Variants in RBFOX1 observed in about 807,000 individuals in gnomAD.
The protein encoded by RBFOX1 is RNA binding fox-1 homolog 1.
A neutral mutation model predicts 57.7 loss-of-function variants in RBFOX1; 8 were observed. The observed-to-expected ratio is 0.14, with a 90% CI of 0.08 to 0.25. The LOEUF (loss-of-function observed/expected upper bound fraction) is 0.25. RBFOX1 is among the 10% of genes least tolerant of loss of function. The pLI is 1.00. For missense variants in RBFOX1, 611 were observed against 548.5 expected, an observed-to-expected ratio of 1.11 and a Z score of -1.14; for synonymous variants, 326 against 222.4, an observed-to-expected ratio of 1.47 and a Z score of -4.15.
intron 4 of RBFOX1, among the ~76,000 whole-genome samples, chr16:5,941,446 C>G (rs577728646): frequency 1.3e-5 from 2 of 151,366 alleles, no homozygotes; most frequent in South Asian, 2.1e-4. Context: ...GCTATGATAG[C>G]TCTTCTGCGC....
chr16:6,625,953 T>C (rs2098298815), intron 2 of RBFOX1, among the ~76,000 whole-genome samples: 1 of 152,206 alleles, frequency 6.6e-6, no homozygotes, highest in African/African-American at 2.4e-5. Context: ...GAGAGCTCAT[T>C]GAGGTACATG....
chr16:6,471,830 T>A lies in RBFOX1; in HGVS notation c.-64+154773T>A, dbSNP rs1169919052. ...CTGTGTCTGGAGATTCTAGCAGGGA[T>A]GCAGAGTGTGGTTGGGACTTCACAG... is the stretch of plus-strand genomic sequence containing the variant. On this transcript the variant is annotated intron_variant, in intron 2 of 15. Coordinates refer to ENST00000550418, the MANE Select transcript of RBFOX1 (RefSeq NM_018723.4). 2.6e-5 allele frequency among the ~76,000 whole-genome samples: 4 copies of A among 152,134 alleles called. No individual in the cohort carries two copies. The East Asian group carries it at 7.7e-4, about 29-fold the overall frequency.
chr16:5,479,703 G>GATCCAA (rs1288155406), intron 2 of RBFOX1, among the ~76,000 whole-genome samples: 1 of 152,042 alleles, frequency 6.6e-6, no homozygotes, highest in Non-Finnish European at 1.5e-5. Flanking sequence ...AGGTTGCAGT[G>GATCCAA]ATCCAAGATC....
At chr16:6,974,125 G>A (rs544506493) in intron 3 of RBFOX1, among the ~76,000 whole-genome samples, 1 of 152,188 alleles carries the variant, frequency 6.6e-6, no homozygotes, top group Admixed American at 6.5e-5. Context: ...TTTTATGGCT[G>A]CATAGAATTC....
At chr16:5,392,075 A>G (rs1053797984) in intron 1 of RBFOX1, among the ~76,000 whole-genome samples, 2 of 152,082 alleles carry the variant, frequency 1.3e-5, no homozygotes, top group African/African-American at 2.4e-5. Flanking sequence ...AGTGGGAGCT[A>G]AGCTATGAGG....
At chr16:6,263,276 C>G (rs1238274340) in intron 1 of RBFOX1, among the ~76,000 whole-genome samples, 1 of 152,138 alleles carries the variant, frequency 6.6e-6, no homozygotes, top group Non-Finnish European at 1.5e-5. Flanking sequence ...CCAGTCTTAG[C>G]TGGAATCATT....
At chr16:7,556,279 C>G (rs2088443644) in intron 5 of RBFOX1, among the ~76,000 whole-genome samples, 1 of 152,178 alleles carries the variant, frequency 6.6e-6, no homozygotes, top group African/African-American at 2.4e-5. Flanking sequence ...AACACTACAG[C>G]TAGTTCTGTT....
chr16:6,695,410 T>C (rs1237988915), intron 3 of RBFOX1, among the ~76,000 whole-genome samples: 2 of 40,328 alleles, frequency 5.0e-5, no homozygotes, highest in Non-Finnish European at 9.0e-5. Flanking sequence ...AGAGAAACTC[T>C]GTCAAAAAAA....
intron 4 of RBFOX1, among the ~76,000 whole-genome samples, chr16:7,509,737 C>G (rs76548166): frequency 7.3e-6 from 1 of 137,128 alleles, no homozygotes; most frequent in Non-Finnish European, 1.7e-5. Context: ...ATTGCTATCT[C>G]TCTATCTCTT....
At chr16:7,227,080 A>G (rs2093171565) in intron 4 of RBFOX1, among the ~76,000 whole-genome samples, 1 of 152,062 alleles carries the variant, frequency 6.6e-6, no homozygotes, top group Non-Finnish European at 1.5e-5. Context: ...TTACCTGGCC[A>G]GTTTCTGTCA....
chr16:6,910,037 T>C (rs925175166), intron 3 of RBFOX1, among the ~76,000 whole-genome samples: 1 of 152,108 alleles, frequency 6.6e-6, no homozygotes, highest in African/African-American at 2.4e-5. Context: ...TCATTACTCT[T>C]ACCTCTACAG....
At chr16:6,588,371 G>A (rs151059770) in intron 2 of RBFOX1, among the ~76,000 whole-genome samples, 12 of 150,006 alleles carry the variant, frequency 8.0e-5, no homozygotes, top group Non-Finnish European at 8.9e-5. Flanking sequence ...GAGTACTCTC[G>A]GCTGGGTGCG....
In RBFOX1 at chr16:6,969,090, C is replaced by G. The variant is rs146098330; in HGVS notation, c.-15-82967C>G. Among the ~76,000 whole-genome samples the G allele has an allele frequency of 2.7e-3, 413 of 152,194 alleles. 4 individuals are homozygous for G. The highest frequency in any genetic ancestry group is 9.7e-3 in the African/African-American group (404 of 41,534). ...TGTCAAGAGCACTTACAGGAGAGAC[C>G]TTCTCCTAATGCATTGGTTAAGAGT... On this transcript the variant is annotated intron_variant, in intron 3 of 15. Coordinates refer to ENST00000550418, the MANE Select transcript of RBFOX1 (RefSeq NM_018723.4).
At chr16:7,256,405 G>A (rs143740346) in intron 4 of RBFOX1, among the ~76,000 whole-genome samples, 3,603 of 152,282 alleles carry the variant, frequency 0.024, 77 homozygotes, top group Middle Eastern at 0.054. Flanking sequence ...GACAAAGGCG[G>A]CTGTCATGGG....
chr16:6,977,757 A>C (rs1449121914), intron 3 of RBFOX1, among the ~76,000 whole-genome samples: 1 of 152,052 alleles, frequency 6.6e-6, no homozygotes, highest in Non-Finnish European at 1.5e-5. Flanking sequence ...CATTTCTCTG[A>C]AGAAAAGAAA....
intron 3 of RBFOX1, among the ~76,000 whole-genome samples, chr16:6,748,409 C>T (rs901733835): frequency 6.6e-6 from 1 of 152,002 alleles, no homozygotes; most frequent in African/African-American, 2.4e-5. Flanking sequence ...ACCTATAATC[C>T]CAACACTTTG....
chr16:6,726,734 C>T (rs2067275830), intron 3 of RBFOX1, among the ~76,000 whole-genome samples: 1 of 152,106 alleles, frequency 6.6e-6, no homozygotes, highest in African/African-American at 2.4e-5. Flanking sequence ...GCTGTGGCTG[C>T]TGCTTCCTAA....
At chr16:6,142,468 G>A (rs147464067) in intron 1 of RBFOX1, among the ~76,000 whole-genome samples, 5,025 of 151,984 alleles carry the variant, frequency 0.033, 291 homozygotes, top group African/African-American at 0.12. Context: ...TGATTCGCCC[G>A]CCTCGGCCTC....
At chr16:6,945,203 T>C (rs999599405) in intron 3 of RBFOX1, among the ~76,000 whole-genome samples, 10 of 152,054 alleles carry the variant, frequency 6.6e-5, no homozygotes, top group Non-Finnish European at 1.2e-4. Context: ...GGAAAGCAAA[T>C]TGGCAGCAAA....
Sources: gnomAD v4.1 joint callset for allele counts (sites outside exome capture counted in the v4.1 genomes callset) on GRCh38, gnomAD v4.1.1 for gene constraint, MANE v1.5 for transcripts, NCBI Gene and HGNC (gene_info 2026-07-23, HGNC 2026-07-21) for gene names.